GNA12: variants seen among roughly 807,000 people sequenced by gnomAD.
The protein encoded by GNA12 is G protein subunit alpha 12, also known as guanine nucleotide-binding protein subunit alpha-12.
Under a neutral mutation model 26.0 loss-of-function variants are expected in GNA12, and 9 were observed. The ratio of observed to expected loss-of-function variants is 0.35; its 90% confidence interval spans 0.21 to 0.60. GNA12 has a LOEUF of 0.60. GNA12 is among the 20% of genes least tolerant of loss of function. The probability of loss-of-function intolerance (pLI) is 0.78; values close to 1 mark genes in which losing one functional copy is unlikely to be tolerated. For missense variants in GNA12, 405 were observed against 525.8 expected, an observed-to-expected ratio of 0.77 and a Z score of 2.25; for synonymous variants, 264 against 219.6, an observed-to-expected ratio of 1.20 and a Z score of -1.79.
chr7:2,803,129 G>C (rs1453723383), intron 1 of GNA12, among the ~76,000 whole-genome samples: 2 of 152,198 alleles, frequency 1.3e-5, no homozygotes, highest in African/African-American at 4.8e-5. Context: ...CTTGGCTCCT[G>C]CTATGGGAGA....
intron 2 of GNA12, among the ~76,000 whole-genome samples, chr7:2,736,034 A>G (rs945602560): frequency 3.3e-5 from 5 of 152,234 alleles, no homozygotes; most frequent in African/African-American, 1.2e-4. Context: ...TTGGGCACGC[A>G]GCCCACGGGA....
intron 2 of GNA12, among the ~76,000 whole-genome samples, chr7:2,782,298 T>A (rs1435148648): frequency 6.6e-6 from 1 of 152,246 alleles, no homozygotes; most frequent in Non-Finnish European, 1.5e-5. Flanking sequence ...ATGTTAGTCT[T>A]CATATTATTT....
intron 1 of GNA12, among the ~76,000 whole-genome samples, chr7:2,811,342 G>A (rs1793076644): frequency 6.6e-6 from 1 of 152,188 alleles, no homozygotes; most frequent in Non-Finnish European, 1.5e-5. Context: ...CCTGGCTGAT[G>A]ACACCGCGGC....
chr7:2,832,535 C>G (rs557395288), intron 1 of GNA12, among the ~76,000 whole-genome samples: 10 of 152,272 alleles, frequency 6.6e-5, no homozygotes, highest in African/African-American at 2.4e-4. Flanking sequence ...ACAGATTCTT[C>G]GGGTCTCAGT....
rs1448153899 is a variant in GNA12, at chr7:2,729,581, T to G, written c.*1600A>C. The G allele has an allele frequency of 1.3e-5, 2 of 152,352 alleles. No individual in the cohort carries two copies. Among genetic ancestry groups the G allele is most frequent in the Non-Finnish European group, 2.9e-5 (2 of 68,058 alleles). The allele number at this position is 152,352 out of a possible 1,614,324, so 9.4% of individuals were successfully genotyped here. On this transcript the variant is annotated 3_prime_UTR_variant, in exon 4 of 4. Transcript: ENST00000275364. Reference sequence around the variant, plus strand: ...GCAGGTTTCCCCTCCCTCTTCTGCTTCTGCATCTGCCCCAAGGGCTTGCGT... The same window carrying G: ...GCAGGTTTCCCCTCCCTCTTCTGCTGCTGCATCTGCCCCAAGGGCTTGCGT...
intron 2 of GNA12, among the ~76,000 whole-genome samples, chr7:2,741,485 C>CTGTT (rs1243874069): frequency 1.3e-5 from 2 of 152,206 alleles, no homozygotes; most frequent in Non-Finnish European, 2.9e-5. Flanking sequence ...GTTGGACTGC[C>CTGTT]TGTTAGCTTT....
At chr7:2,817,192 A>C (rs1345606404) in intron 1 of GNA12, among the ~76,000 whole-genome samples, 1 of 151,870 alleles carries the variant, frequency 6.6e-6, no homozygotes, top group Non-Finnish European at 1.5e-5. Flanking sequence ...CGCAACCTCC[A>C]CCTCCAGGGT....
Position 2,820,401 on chromosome 7 carries a change from C to CTTTTTTTT in GNA12, c.309+23444_309+23451dup, listed in dbSNP as rs35674433. Among the ~76,000 whole-genome samples, 94 of 126,356 alleles carry CTTTTTTTT rather than the reference C, an allele frequency of 7.4e-4. 2 individuals carry two copies. The highest frequency in any genetic ancestry group is 2.8e-3 in the African/African-American group (92 of 33,072). The allele number at this position is 126,356 out of a possible 152,430, so 82.9% of individuals were successfully genotyped here. ...ATATGTGAGTTATAGCTCAATAAAG[C>CTTTTTTTT]TTTTTTTTTTTTTTTTTTAAGCTGA... On this transcript the variant is annotated intron_variant, in intron 1 of 3. Coordinates refer to ENST00000275364, the MANE Select transcript of GNA12 (RefSeq NM_007353.3).
chr7:2,789,666 C>A (rs558083603), intron 2 of GNA12, among the ~76,000 whole-genome samples: 4 of 152,188 alleles, frequency 2.6e-5, no homozygotes, highest in Non-Finnish European at 5.9e-5. Context: ...AGTTAGGCGG[C>A]CCCTACTTCT....
intron 1 of GNA12, among the ~76,000 whole-genome samples, chr7:2,842,911 T>C (rs138336437): frequency 8.5e-4 from 129 of 152,312 alleles, no homozygotes; most frequent in African/African-American, 2.9e-3. Flanking sequence ...GTGAATAGGA[T>C]TGGCACAGAA....
intron 2 of GNA12, among the ~76,000 whole-genome samples, chr7:2,747,752 G>A (rs971579459): frequency 1.1e-4 from 17 of 152,196 alleles, no homozygotes; most frequent in African/African-American, 4.8e-5. Context: ...CAGACGACAT[G>A]ATTGTATATT....
chr7:2,736,745 C>T lies in GNA12; in HGVS notation c.526-3244G>A, dbSNP rs1026230058. On this transcript the variant is annotated intron_variant, in intron 2 of 3. Coordinates refer to ENST00000275364, the MANE Select transcript of GNA12 (RefSeq NM_007353.3). ...CTCCGGTGGGAGAAAGACACACGCT[C>T]GGCTTGCTGCCGCTCAGAACTCCGT... 5.3e-5 allele frequency among the ~76,000 whole-genome samples: 8 copies of T among 152,226 alleles called. No homozygotes were observed. In the East Asian group the frequency reaches 9.6e-4, roughly 18 times the overall value.
intron 1 of GNA12, among the ~76,000 whole-genome samples, chr7:2,834,050 CT>C (rs1681036962): frequency 6.6e-6 from 1 of 152,242 alleles, no homozygotes; most frequent in Non-Finnish European, 1.5e-5. Context: ...TGTCCAAACA[CT>C]CCCCTGAAAC....
At chr7:2,782,024 G>GT (rs1424212398) in intron 2 of GNA12, among the ~76,000 whole-genome samples, 3 of 152,150 alleles carry the variant, frequency 2.0e-5, no homozygotes, top group Non-Finnish European at 4.4e-5. Context: ...ATGGCCAATT[G>GT]ATTTTCAACA....
chr7:2,814,234 T>C (rs1377609564), intron 1 of GNA12: 11 of 800,232 alleles, frequency 1.4e-5, no homozygotes, highest in Non-Finnish European at 2.5e-5. Flanking sequence ...ATGTATCCTG[T>C]TGGCTGTGCT....
chr7:2,765,519 C>T (rs575576553), intron 2 of GNA12, among the ~76,000 whole-genome samples: 5 of 152,140 alleles, frequency 3.3e-5, no homozygotes, highest in African/African-American at 1.2e-4. Context: ...GCTTTGTGAA[C>T]TTGAGAGCTT....
intron 1 of GNA12, among the ~76,000 whole-genome samples, chr7:2,813,794 G>A (rs1330787589): frequency 1.3e-5 from 2 of 152,188 alleles, no homozygotes; most frequent in Non-Finnish European, 2.9e-5. Flanking sequence ...CACGGAGATT[G>A]TGATGTTAAT....
rs529161395 is a variant in GNA12 at position 2,769,801 on chromosome 7, C to T, written c.525+25127G>A. On this transcript the variant is annotated intron_variant, in intron 2 of 3. Transcript: ENST00000275364. ...CAAATTCTCTCCCAAAAAGGTTGTA[C>T]CAATTTATATCCTAATGAACAAGGG... is the stretch of plus-strand genomic sequence containing the variant. Among the ~76,000 whole-genome samples the T allele has an allele frequency of 2.0e-5, 3 of 152,148 alleles. No homozygotes were observed. The East Asian group carries it at 5.8e-4, about 29-fold the overall frequency.
Position 2,773,936 on chromosome 7 carries a change from C to A in GNA12, c.525+20992G>T, listed in dbSNP as rs568519598. Among the ~76,000 whole-genome samples, 4 of 152,300 alleles carry A rather than the reference C, an allele frequency of 2.6e-5. No individual in the cohort carries two copies. The South Asian group carries it at 8.3e-4, about 32-fold the overall frequency. On this transcript the variant is annotated intron_variant, in intron 2 of 3. Transcript: ENST00000275364. ...ACAAAATGGAATTACCATGCAGCAA[C>A]AAGGAAGAACGTGCCGCAGAATTGG... is the stretch of plus-strand genomic sequence containing the variant.
Sources: gnomAD v4.1 joint callset for allele counts (sites outside exome capture counted in the v4.1 genomes callset) on GRCh38, gnomAD v4.1.1 for gene constraint, MANE v1.5 for transcripts, NCBI Gene and HGNC (gene_info 2026-07-23, HGNC 2026-07-21) for gene names.